The following PSD3 variants were observed in gnomAD, a reference collection of about 807,000 sequenced individuals.
PSD3 encodes pleckstrin and Sec7 domain containing 3.
PSD3 carries 49 observed loss-of-function variants against 105.5 expected under a neutral mutation model. The ratio of observed to expected loss-of-function variants is 0.46; its 90% CI spans 0.37 to 0.59. The LOEUF (loss-of-function observed/expected upper bound fraction) is 0.59. Ranked by LOEUF, PSD3 falls within the 20% of genes least tolerant of loss-of-function variation. PSD3 has a pLI of 0.00. For missense variants in PSD3, 1,561 were observed against 1,263.8 expected (o/e 1.24, Z -3.57); for synonymous variants, 557 against 457.8 (o/e 1.22, Z -2.77).
chr8:18,828,390 C>T (rs1586154205), intron 4 of PSD3, among the ~76,000 whole-genome samples: 2 of 152,102 alleles, frequency 1.3e-5, no homozygotes, highest in South Asian at 4.1e-4. Flanking sequence ...GACTCAAGTT[C>T]ATTTATACGT....
At chr8:18,921,114 T>G (rs1820985333) in intron 2 of PSD3, among the ~76,000 whole-genome samples, 1 of 152,354 alleles carries the variant, frequency 6.6e-6, no homozygotes, top group Non-Finnish European at 1.5e-5. Flanking sequence ...AAATGTAAAC[T>G]ACTTTTTTTA....
In PSD3 at chr8:19,044,915, C is replaced by A. The variant is rs142553546; in HGVS notation, c.324+39291G>T. On this transcript the variant is annotated intron_variant, in intron 1 of 1. Coordinates refer to the PSD3 transcript ENST00000521475. ...AAAGTAATGTCCAGGCTGGGCATGG[C>A]GGATCATGCCTGTAATCCCAGCACT... Among the ~76,000 whole-genome samples the A allele has an allele frequency of 1.4e-4, 22 of 152,150 alleles. No homozygotes were observed. In the East Asian group the frequency reaches 4.3e-3, roughly 29 times the overall value.
At chr8:18,661,659 G>A (rs1382885815) in intron 9 of PSD3, among the ~76,000 whole-genome samples, 4 of 152,058 alleles carry the variant, frequency 2.6e-5, no homozygotes, top group African/African-American at 9.7e-5. Context: ...TACACCTTGC[G>A]ATGTACCAAA....
chr8:18,633,787 T>C (rs888284340), intron 10 of PSD3, among the ~76,000 whole-genome samples: 1 of 152,094 alleles, frequency 6.6e-6, no homozygotes, highest in Non-Finnish European at 1.5e-5. Context: ...AGTAACAGGA[T>C]TGCTGATTTG....
chr8:18,964,506 G>A (rs1381375724), intron 1 of PSD3, among the ~76,000 whole-genome samples: 4 of 151,648 alleles, frequency 2.6e-5, no homozygotes, highest in South Asian at 2.1e-4. Context: ...TTAAAACCTG[G>A]AGCATTTTTT....
At chr8:18,755,302 C>T (rs374435235) in intron 9 of PSD3, among the ~76,000 whole-genome samples, 156 of 152,070 alleles carry the variant, frequency 1.0e-3, no homozygotes, top group African/African-American at 3.2e-3. Context: ...TGGTGGCACG[C>T]GCCTGTAATC....
intron 1 of PSD3, among the ~76,000 whole-genome samples, chr8:18,980,291 A>G (rs574394829): frequency 6.6e-6 from 1 of 152,330 alleles, no homozygotes; most frequent in African/African-American, 2.4e-5. Context: ...TAGAGTGGGA[A>G]GTCCAGTGGC....
intron 1 of PSD3, among the ~76,000 whole-genome samples, chr8:19,054,027 T>C (rs983776267): frequency 5.3e-5 from 8 of 152,188 alleles, no homozygotes; most frequent in African/African-American, 1.9e-4. Context: ...TTAAGTGTCT[T>C]CTCCTCTGAC....
At chr8:18,847,113 G>A (rs1293399831) in intron 4 of PSD3, among the ~76,000 whole-genome samples, 26 of 152,078 alleles carry the variant, frequency 1.7e-4, no homozygotes, top group Admixed American at 1.5e-3. Context: ...TTTCACTTCC[G>A]CTGCTGAGGC....
intron 4 of PSD3, among the ~76,000 whole-genome samples, chr8:18,829,489 C>G (rs945687988): frequency 2.6e-5 from 4 of 152,172 alleles, no homozygotes; most frequent in African/African-American, 9.7e-5. Flanking sequence ...CATCAACGCC[C>G]TAGCATGCTG....
chr8:18,977,708 G>A (rs1274627925), intron 1 of PSD3, among the ~76,000 whole-genome samples: 2 of 152,092 alleles, frequency 1.3e-5, no homozygotes, highest in African/African-American at 2.4e-5. Flanking sequence ...TTAATGTTAT[G>A]TAAATAAGTG....
At chr8:18,943,675 C>T (rs964452260) in intron 1 of PSD3, among the ~76,000 whole-genome samples, 12 of 152,220 alleles carry the variant, frequency 7.9e-5, no homozygotes, top group African/African-American at 2.9e-4. Context: ...TCCCTGCCTC[C>T]ACTACACTGG....
intron 4 of PSD3, among the ~76,000 whole-genome samples, chr8:18,814,528 G>A (rs1444744501): frequency 1.3e-5 from 2 of 152,154 alleles, no homozygotes; most frequent in Non-Finnish European, 2.9e-5. Context: ...CTAAGTTGCT[G>A]CTCTTGTGGG....
At chr8:18,844,923 T>C (rs892720029) in intron 4 of PSD3, among the ~76,000 whole-genome samples, 7 of 152,204 alleles carry the variant, frequency 4.6e-5, no homozygotes, top group Admixed American at 4.6e-4. Context: ...CTGGTTACAA[T>C]GATCAGTTCA....
intron 4 of PSD3, among the ~76,000 whole-genome samples, chr8:18,851,530 T>C (rs570386137): frequency 6.6e-6 from 1 of 152,274 alleles, no homozygotes; most frequent in South Asian, 2.1e-4. Flanking sequence ...AGCTCTTCGC[T>C]CTCCTACAGG....
At position 18,533,632 on chromosome 8, in the gene PSD3, G is replaced by A. The variant is rs530467126; in HGVS notation, c.*2111C>T. The stretch of plus-strand genomic sequence containing the variant: ...TGGGCAAACACATTCAAGCCACTCA[G>A]GGAAGTTCCTTTTTCTTTAGTTACT... On this transcript the variant is annotated 3_prime_UTR_variant, in exon 16 of 16. Coordinates refer to ENST00000327040, the MANE Select transcript of PSD3 (RefSeq NM_015310.4). 6.6e-6 allele frequency: 1 copy of A among 152,274 alleles called. No homozygotes were observed. The highest frequency in any genetic ancestry group is 2.4e-5 in the African/African-American group (1 of 41,568). The allele number at this position is 152,274 out of a possible 1,614,324, so 9.4% of individuals were successfully genotyped here.
At chr8:18,724,866 T>C (rs1366517025) in intron 9 of PSD3, among the ~76,000 whole-genome samples, 2 of 151,992 alleles carry the variant, frequency 1.3e-5, no homozygotes, top group Non-Finnish European at 2.9e-5. Context: ...AGGAGAAATA[T>C]GTGGTCAAAG....
chr8:19,068,371 C>T lies in PSD3; in HGVS notation c.324+15835G>A, dbSNP rs185756129. Among the ~76,000 whole-genome samples, 17 of 151,898 alleles carry T rather than the reference C, an allele frequency of 1.1e-4. No homozygotes were observed. The East Asian group carries it at 1.4e-3, about 12-fold the overall frequency. On this transcript the variant is annotated intron_variant, in intron 1 of 1. Coordinates refer to the PSD3 transcript ENST00000521475. ...ATGGCATGATCCTGACTCACTGTAG[C>T]CTCGATCTTCAGGGCTTGAGAGATC...
rs552648678 is a variant in PSD3 at position 18,794,103 on chromosome 8, C to T, written c.2082+5192G>A. Among the ~76,000 whole-genome samples the T allele has an allele frequency of 6.8e-5, 2 of 29,406 alleles. 1 individual carries two copies. The highest frequency in any genetic ancestry group is 2.1e-4 in the Non-Finnish European group (2 of 9,318). The allele number at this position is 29,406 out of a possible 152,430, so 19.3% of individuals were successfully genotyped here. On this transcript the variant is annotated intron_variant, in intron 8 of 15. Coordinates refer to ENST00000327040, the MANE Select transcript of PSD3 (RefSeq NM_015310.4). ...ACCCCCAACCCTGTGCTCTCTGAAA[C>T]GTGTGCTGTGTCAACTCAGAGTTGA...
Sources: gnomAD v4.1 joint callset for allele counts (sites outside exome capture counted in the v4.1 genomes callset) on GRCh38, gnomAD v4.1.1 for gene constraint, MANE v1.5 for transcripts, NCBI Gene and HGNC (gene_info 2026-07-23, HGNC 2026-07-21) for gene names.